PTPRG: variants seen among roughly 807,000 people sequenced by gnomAD.
PTPRG encodes receptor-type tyrosine-protein phosphatase gamma.
PTPRG carries 102 observed loss-of-function variants against 165.3 expected under a neutral mutation model. The ratio of observed to expected loss-of-function variants is 0.62; its 90% CI spans 0.53 to 0.73. PTPRG has a LOEUF of 0.73. Ranked by LOEUF, PTPRG falls within the 30% of genes least tolerant of loss-of-function variation. PTPRG has a pLI of 0.00. For missense variants in PTPRG, 1,866 were observed against 1,861.4 expected, an observed-to-expected ratio of 1.00 and a Z score of -0.05; for synonymous variants, 675 against 669.5, an observed-to-expected ratio of 1.01 and a Z score of -0.13.
chr3:61,970,795 C>T (rs962671803), intron 2 of PTPRG, among the ~76,000 whole-genome samples: 1 of 150,232 alleles, frequency 6.7e-6, no homozygotes, highest in Admixed American at 6.6e-5. Context: ...AAAGAATCAC[C>T]CAATAAAGGA....
chr3:61,579,610 G>A (rs1250071342), intron 1 of PTPRG, among the ~76,000 whole-genome samples: 3 of 152,220 alleles, frequency 2.0e-5, no homozygotes, highest in South Asian at 2.1e-4. Context: ...GGAAAGCGGC[G>A]AAAGCCAGGC....
chr3:61,919,636 C>T (rs1375625539), intron 2 of PTPRG, among the ~76,000 whole-genome samples: 3 of 152,164 alleles, frequency 2.0e-5, no homozygotes, highest in African/African-American at 7.2e-5. Flanking sequence ...CCATTCATCT[C>T]CCTAGGGAAT....
chr3:62,116,115 C>G (rs1702857833), intron 5 of PTPRG, among the ~76,000 whole-genome samples: 2 of 152,098 alleles, frequency 1.3e-5, no homozygotes, highest in African/African-American at 4.8e-5. Flanking sequence ...AAGTTACTTG[C>G]CCAAAGTCAA....
chr3:61,890,367 G>A (rs1203616911), intron 2 of PTPRG, among the ~76,000 whole-genome samples: 1 of 149,440 alleles, frequency 6.7e-6, no homozygotes, highest in African/African-American at 2.5e-5. Flanking sequence ...CAAGGCGATG[G>A]TCAGTGGAAG....
intron 1 of PTPRG, among the ~76,000 whole-genome samples, chr3:61,643,875 G>T (rs1330453944): frequency 6.6e-6 from 1 of 152,166 alleles, no homozygotes; most frequent in Non-Finnish European, 1.5e-5. Flanking sequence ...AGTTTAATTG[G>T]ATTCTTATAG....
chr3:61,589,431 G>C (rs1700513029), intron 1 of PTPRG, among the ~76,000 whole-genome samples: 1 of 152,144 alleles, frequency 6.6e-6, no homozygotes, highest in Non-Finnish European at 1.5e-5. Context: ...AGATACAAGG[G>C]TCTTCTCAGA....
rs1005463575 is a variant in PTPRG at position 62,245,443 on chromosome 3, C to T, written c.2467+1545C>T. On this transcript the variant is annotated intron_variant, in intron 15 of 29. Transcript: ENST00000474889. This position sits in a 1 kb window ranked among gnomAD's most constrained non-coding sequence, Gnocchi z 4.2. The stretch of plus-strand genomic sequence containing the variant: ...TGACCTGATTTGTCTGACACAGACT[C>T]AGTTGTTTGGTAGCTGTGTAACTGA... Among the ~76,000 whole-genome samples the T allele has an allele frequency of 6.6e-6, 1 of 152,158 alleles. No homozygotes were observed. Among genetic ancestry groups the T allele is most frequent in the Non-Finnish European group, 1.5e-5 (1 of 68,026 alleles).
At chr3:61,596,092 T>G (rs1044608356) in intron 1 of PTPRG, among the ~76,000 whole-genome samples, 2 of 152,226 alleles carry the variant, frequency 1.3e-5, no homozygotes, top group African/African-American at 4.8e-5. Context: ...AATGTACTCT[T>G]CTTAAGTCAG....
chr3:61,947,460 A>C (rs1197315088), intron 2 of PTPRG, among the ~76,000 whole-genome samples: 1 of 152,244 alleles, frequency 6.6e-6, no homozygotes, highest in East Asian at 1.9e-4. Context: ...CAGAGTATGC[A>C]GTGAAGGAAT....
intron 3 of PTPRG, among the ~76,000 whole-genome samples, chr3:62,003,077 A>ATT (rs1553703292): frequency 0.039 from 5,805 of 147,518 alleles, 221 homozygotes; most frequent in East Asian, 0.13. Flanking sequence ...CATTGTTTCC[A>ATT]TTTTTTTTTT....
intron 1 of PTPRG, among the ~76,000 whole-genome samples, chr3:61,625,576 A>G (rs1364723359): frequency 6.6e-6 from 1 of 152,148 alleles, no homozygotes; most frequent in Non-Finnish European, 1.5e-5. Flanking sequence ...TTGGAAATAC[A>G]AGGGTTTTCT....
intron 4 of PTPRG, among the ~76,000 whole-genome samples, chr3:62,070,583 G>T (rs1050420950): frequency 1.1e-4 from 17 of 152,228 alleles, no homozygotes; most frequent in African/African-American, 3.6e-4. Flanking sequence ...ACAGGCAATG[G>T]CAGAATTAGA....
chr3:61,887,170 A>ATATATATATATTTTTTTTTT (rs60282456), intron 2 of PTPRG, among the ~76,000 whole-genome samples: 5 of 115,522 alleles, frequency 4.3e-5, no homozygotes, highest in African/African-American at 1.6e-4. Flanking sequence ...ATATATATAT[A>ATATATATATATTTTTTTTTT]TTTTTAATGC....
At chr3:61,790,909 A>G (rs2034850374) in intron 2 of PTPRG, among the ~76,000 whole-genome samples, 1 of 152,168 alleles carries the variant, frequency 6.6e-6, no homozygotes, top group African/African-American at 2.4e-5. Flanking sequence ...AATAAGATTA[A>G]AGTATATATA....
chr3:61,887,172 T>TATATATATATATATA (rs1559670290), intron 2 of PTPRG, among the ~76,000 whole-genome samples: 1 of 105,056 alleles, frequency 9.5e-6, no homozygotes, highest in Non-Finnish European at 2.0e-5. Flanking sequence ...ATATATATAT[T>TATATATATATATATA]TTTAATGCCA....
intron 15 of PTPRG, among the ~76,000 whole-genome samples, chr3:62,244,207 G>T (rs1392156150): frequency 6.6e-6 from 1 of 152,190 alleles, no homozygotes; most frequent in Non-Finnish European, 1.5e-5. Context: ...TTTTTTAAAG[G>T]TGATATTTTT....
chr3:61,619,803 G>A (rs1466706374), intron 1 of PTPRG, among the ~76,000 whole-genome samples: 5 of 152,190 alleles, frequency 3.3e-5, no homozygotes, highest in Non-Finnish European at 7.4e-5. Context: ...AACAGACCTG[G>A]TAGTGGATTT....
chr3:62,203,325 G>T lies in PTPRG; in HGVS notation c.1530G>T (p.Val510=). ...GCAGCCAGGCCACAGTGGCCTCGGT[G>T]GTCACCAGCACGCTGCTCGCCGGCC... The part of the protein sequence containing the change: ...SSGSQATVAS[V]VTSTLLAGLG... Residue 510 remains valine, a synonymous_variant, in exon 12 of 30, where the codon GTG becomes GTT. Transcript: ENST00000474889. This position sits in a 1 kb window ranked among gnomAD's most constrained non-coding sequence, Gnocchi z 6.4. 6.2e-7 allele frequency: 1 copy of T among 1,613,934 alleles called. No homozygotes were observed. The highest frequency in any genetic ancestry group is 8.5e-7 in the Non-Finnish European group (1 of 1,180,010).
chr3:61,654,850 C>T lies in PTPRG; in HGVS notation c.85+92478C>T, dbSNP rs1240710020. On this transcript the variant is annotated intron_variant, in intron 1 of 29. Coordinates refer to ENST00000474889, the MANE Select transcript of PTPRG (RefSeq NM_002841.4). The stretch of plus-strand genomic sequence containing the variant: ...AGGCTGGAGTGCAGTGGTGCAATCT[C>T]GGCTCACTGCAACCTCTGCCTCCCG... 1.3e-3 allele frequency among the ~76,000 whole-genome samples: 197 copies of T among 146,172 alleles called. 5 individuals carry two copies. The highest frequency in any genetic ancestry group is 2.4e-4 in the Non-Finnish European group (16 of 67,312).
Sources: allele counts gnomAD v4.1 joint callset (sites outside exome capture counted in the v4.1 genomes callset), GRCh38; gene constraint gnomAD v4.1.1; non-coding constraint Gnocchi (gnomAD v3.1); transcripts MANE v1.5; gene names NCBI Gene and HGNC (gene_info 2026-07-23, HGNC 2026-07-21).